The following ITPR3 variants were observed in gnomAD, a reference collection of about 807,000 sequenced individuals.
The protein encoded by ITPR3 is inositol 1,4,5-trisphosphate-gated calcium channel ITPR3.
A neutral mutation model predicts 293.2 loss-of-function variants in ITPR3; 173 were observed. The observed-to-expected ratio is 0.59, with a 90% confidence interval of 0.52 to 0.67. ITPR3 has a LOEUF of 0.67. Ranked by LOEUF, ITPR3 falls within the 30% of genes least tolerant of loss-of-function variation. The pLI, the probability that ITPR3 is intolerant of heterozygous loss-of-function variation, is 0.00. For synonymous variants in ITPR3, 1,295 were observed against 1,444.4 expected (o/e 0.90, Z 2.35); for missense variants, 2,796 against 3,592.1 (o/e 0.78, Z 5.66).
chr6:33,648,305 A>G (rs1276792488), intron 2 of ITPR3, among the ~76,000 whole-genome samples: 1 of 151,950 alleles, frequency 6.6e-6, no homozygotes, highest in Non-Finnish European at 1.5e-5. Flanking sequence ...GGCTCAAGCA[A>G]TCCTCTTGCC....
Position 33,670,254 on chromosome 6 carries a change from G to A in ITPR3, c.2190-71G>A, listed in dbSNP as rs1764719000. ...TGCCACTTTACTGAGTCCTCACCAAGTCTAGTGCCCAGTGCCAGCAGCCTC... is the reference window on the plus strand; with the variant it reads ...TGCCACTTTACTGAGTCCTCACCAAATCTAGTGCCCAGTGCCAGCAGCCTC... On this transcript the variant is annotated intron_variant, in intron 18 of 57. Coordinates refer to ENST00000605930, the MANE Select transcript of ITPR3 (RefSeq NM_002224.4). The surrounding 1 kb of genome is among the most constrained non-coding windows in gnomAD (Gnocchi z 6.7). 27 of 1,560,566 alleles carry A rather than the reference G, an allele frequency of 1.7e-5. No homozygotes were observed. The South Asian group carries it at 2.6e-4, about 15-fold the overall frequency.
At chr6:33,637,987 C>T (rs954959164) in intron 1 of ITPR3, among the ~76,000 whole-genome samples, 4 of 150,766 alleles carry the variant, frequency 2.7e-5, no homozygotes, top group Non-Finnish European at 5.9e-5. Context: ...TACCTAGGCA[C>T]GTTTTTTGTT....
chr6:33,688,212 G>T, intron 47 of ITPR3, 27 bp from the exon 48 acceptor site: 1 of 1,614,060 alleles, frequency 6.2e-7, no homozygotes, highest in Non-Finnish European at 8.5e-7. Context: ...CCTGCGCCGG[G>T]CGTGACCATG....
intron 2 of ITPR3, among the ~76,000 whole-genome samples, chr6:33,651,733 A>C (rs1764196758): frequency 6.6e-6 from 1 of 152,038 alleles, no homozygotes. Flanking sequence ...TTGATTCTTT[A>C]AGTCTTAGCA....
rs1180032806 is a variant in ITPR3, at chr6:33,683,565, C to G, written c.4788+168C>G. Among the ~76,000 whole-genome samples the G allele has an allele frequency of 6.6e-6, 1 of 152,122 alleles. No homozygotes were observed. Among genetic ancestry groups the G allele is most frequent in the Non-Finnish European group, 1.5e-5 (1 of 68,012 alleles). On this transcript the variant is annotated intron_variant, in intron 35 of 57. Transcript: ENST00000605930. This position sits in a 1 kb window ranked among gnomAD's most constrained non-coding sequence, Gnocchi z 4.5. Reference sequence around the variant, plus strand: ...CACTCTGGGGCTGCTAAGGGCCGACCCAGCAGCAAGGGACTGGGGAACCTC... The same window carrying G: ...CACTCTGGGGCTGCTAAGGGCCGACGCAGCAGCAAGGGACTGGGGAACCTC...
rs74490733 is a variant in ITPR3, at chr6:33,654,295, A to T, written c.161-1471A>T. 7.5e-3 allele frequency among the ~76,000 whole-genome samples: 1,135 copies of T among 152,184 alleles called. 13 individuals are homozygous for T. Among genetic ancestry groups the T allele is most frequent in the African/African-American group, 0.026 (1,077 of 41,528 alleles). On this transcript the variant is annotated intron_variant, in intron 2 of 57. Transcript: ENST00000605930. This position sits in a 1 kb window ranked among gnomAD's most constrained non-coding sequence, Gnocchi z 4.1. ...AAAAAATAAGAAAAATAAAAAAAATAAAAAAGACACACTCTCTCCAACAAA... is the reference window on the plus strand; with the variant it reads ...AAAAAATAAGAAAAATAAAAAAAATTAAAAAGACACACTCTCTCCAACAAA...
At chr6:33,688,011 G>A in intron 46 of ITPR3, 46 bp from the exon 47 acceptor site, 2 of 1,478,770 alleles carry the variant, frequency 1.4e-6, no homozygotes, top group South Asian at 1.2e-5. Context: ...GTGCCAGCCT[G>A]GATGTGGAGG....
chr6:33,631,286 AC>A (rs1301827855), intron 1 of ITPR3, among the ~76,000 whole-genome samples: 1 of 152,202 alleles, frequency 6.6e-6, no homozygotes, highest in Non-Finnish European at 1.5e-5. Flanking sequence ...TACCATCAAG[AC>A]GCGGAGACCA....
At chr6:33,639,723 T>G (rs1763906401) in intron 1 of ITPR3, among the ~76,000 whole-genome samples, 1 of 151,710 alleles carries the variant, frequency 6.6e-6, no homozygotes, top group African/African-American at 2.4e-5. Flanking sequence ...GATGGGTGCA[T>G]GGGTGGGTGG....
intron 18 of ITPR3, among the ~76,000 whole-genome samples, chr6:33,669,604 C>A (rs1764703567): frequency 6.6e-6 from 1 of 152,194 alleles, no homozygotes; most frequent in Non-Finnish European, 1.5e-5. Flanking sequence ...CTCAAAAAAA[C>A]AAATCATCAT....
chr6:33,684,738 C>T lies in ITPR3; in HGVS notation c.5138-36C>T. On this transcript the variant is annotated intron_variant, in intron 38 of 57. Transcript: ENST00000605930. The surrounding 1 kb of genome is among the most constrained non-coding windows in gnomAD (Gnocchi z 4.2). ...CGGGCCCTCCCTTCCACTCTCCTGT[C>T]ACACCAGCTCTCCCTCAACCGAGTC... is the stretch of plus-strand genomic sequence containing the variant. 6.2e-7 allele frequency: 1 copy of T among 1,610,388 alleles called. No homozygotes were observed. The highest frequency in any genetic ancestry group is 8.5e-7 in the Non-Finnish European group (1 of 1,177,590).
chr6:33,679,752 G>A lies in ITPR3; in HGVS notation c.3973-130G>A, dbSNP rs145012253. The A allele has an allele frequency of 7.4e-4, 893 of 1,214,692 alleles. 24 individuals are homozygous for A. The East Asian group carries it at 0.022, about 30-fold the overall frequency. The allele number at this position is 1,214,692 out of a possible 1,614,324, so 75.2% of individuals were successfully genotyped here. On this transcript the variant is annotated intron_variant, in intron 30 of 57. Transcript: ENST00000605930. The surrounding 1 kb of genome is among the most constrained non-coding windows in gnomAD (Gnocchi z 4.2). ...TGGGGAACCCCCAAATCCCAGCCAG[G>A]GGAGGGTTTTCCTGATTTCAGGTAA... is the stretch of plus-strand genomic sequence containing the variant.
Position 33,684,231 on chromosome 6 carries a change from C to T in ITPR3, c.4937+63C>T, listed in dbSNP as rs913145028. ...CAGCGGCAGGGGACAGAGAAGGGCCCGGTGGGGACTAGACAGGCTCACTGG... is the reference window on the plus strand; with the variant it reads ...CAGCGGCAGGGGACAGAGAAGGGCCTGGTGGGGACTAGACAGGCTCACTGG... On this transcript the variant is annotated intron_variant, in intron 36 of 57. Transcript: ENST00000605930. The surrounding 1 kb of genome is among the most constrained non-coding windows in gnomAD (Gnocchi z 4.2). 18 of 1,599,210 alleles carry T rather than the reference C, an allele frequency of 1.1e-5. No homozygotes were observed. The highest frequency in any genetic ancestry group is 4.4e-5 in the South Asian group (4 of 90,464).
At chr6:33,669,282 C>G in intron 18 of ITPR3, 126 bp downstream of exon 18, 1 of 952,040 alleles carries the variant, frequency 1.1e-6, no homozygotes, top group Non-Finnish European at 1.5e-6. Context: ...TCCTCAGAAG[C>G]GGAGTCCCTG....
intron 1 of ITPR3, among the ~76,000 whole-genome samples, chr6:33,629,920 G>A (rs982503990): frequency 6.6e-6 from 1 of 151,890 alleles, no homozygotes; most frequent in Non-Finnish European, 1.5e-5. Flanking sequence ...GTGAAACTCC[G>A]TCTCTACTAA....
intron 2 of ITPR3, among the ~76,000 whole-genome samples, chr6:33,651,260 G>C (rs1335075454): frequency 3.7e-5 from 5 of 136,114 alleles, no homozygotes; most frequent in Admixed American, 8.0e-5. Context: ...CTGGGCGACA[G>C]AGTGAGACTC....
At position 33,671,901 on chromosome 6, in the gene ITPR3, T is replaced by C. The variant is rs143341264; in HGVS notation, c.2729-128T>C. ...TCCTGGGTTAGCCCTGTCCCTTCCT[T>C]AGCAAGGCTTTGCCCTGCAGCTGAC... On this transcript the variant is annotated intron_variant, in intron 21 of 57. Transcript: ENST00000605930. 1,142 of 921,286 alleles carry C rather than the reference T, an allele frequency of 1.2e-3. 5 individuals are homozygous for C. Among genetic ancestry groups the C allele is most frequent in the African/African-American group, 0.011 (661 of 59,950 alleles). 57.1% of individuals were successfully genotyped at this position (921,286 alleles called of 1,614,324 possible).
Position 33,678,849 on chromosome 6 carries a change from G to A in ITPR3, c.3972+10G>A, listed in dbSNP as rs1764989041. The stretch of plus-strand genomic sequence containing the variant: ...CATGATCATGACTGAGGTGAGGGCG[G>A]GGCTGAGGGGTGCTCAGGCATCTTG... On this transcript the variant is annotated intron_variant, in intron 30 of 57. Transcript: ENST00000605930. The A allele has an allele frequency of 6.2e-7, 1 of 1,609,278 alleles. No homozygotes were observed. The highest frequency in any genetic ancestry group is 8.5e-7 in the Non-Finnish European group (1 of 1,177,986).
intron 1 of ITPR3, among the ~76,000 whole-genome samples, chr6:33,636,454 C>T (rs976418538): frequency 6.6e-6 from 1 of 151,934 alleles, no homozygotes; most frequent in Admixed American, 6.6e-5. Flanking sequence ...GTGAGAGTGA[C>T]AAGAAGAGGT....
Sources: allele counts gnomAD v4.1 joint callset (sites outside exome capture counted in the v4.1 genomes callset), GRCh38; gene constraint gnomAD v4.1.1; non-coding constraint Gnocchi (gnomAD v3.1); transcripts MANE v1.5; gene names NCBI Gene and HGNC (gene_info 2026-07-23, HGNC 2026-07-21).